NRP2: variants seen among roughly 807,000 people sequenced by gnomAD.
The protein encoded by NRP2 is neuropilin 2.
A neutral mutation model predicts 110.4 loss-of-function variants in NRP2; 52 were observed. The observed-to-expected ratio is 0.47, with a 90% CI of 0.38 to 0.59. The LOEUF (loss-of-function observed/expected upper bound fraction) is 0.59. NRP2 is among the 20% of genes least tolerant of loss of function. The probability of loss-of-function intolerance (pLI) is 0.00; values close to 1 mark genes in which losing one functional copy is unlikely to be tolerated. For synonymous variants in NRP2, 508 were observed against 468.9 expected (o/e 1.08, Z -1.08); for missense variants, 1,049 against 1,203.0 (o/e 0.87, Z 1.89).
At chr2:205,704,879 C>G (rs752059243) in intron 2 of NRP2, among the ~76,000 whole-genome samples, 1 of 152,144 alleles carries the variant, frequency 6.6e-6, no homozygotes, top group Non-Finnish European at 1.5e-5. Flanking sequence ...GCATCTCACC[C>G]CATGTAACTC....
intron 2 of NRP2, among the ~76,000 whole-genome samples, chr2:205,712,214 G>A: frequency 6.6e-6 from 1 of 152,078 alleles, no homozygotes; most frequent in East Asian, 1.9e-4. Flanking sequence ...ATAAAGAACT[G>A]GGAGTAGAGA....
Position 205,686,554 on chromosome 2 carries a change from C to T in NRP2, c.73+3191C>T, listed in dbSNP as rs2056169180. 6.6e-6 allele frequency among the ~76,000 whole-genome samples: 1 copy of T among 152,190 alleles called. No homozygotes were observed. Among genetic ancestry groups the T allele is most frequent in the South Asian group, 2.1e-4 (1 of 4,822 alleles). ...CTGGCTGTGCCGGGGGTCTTTCCCA[C>T]CGGGTCGCAGGCGTCCAGCGGCTGG... On this transcript the variant is annotated intron_variant, in intron 1 of 16. Transcript: ENST00000357785. The surrounding 1 kb of genome is among the most constrained non-coding windows in gnomAD (Gnocchi z 4.7).
chr2:205,686,529 C>G lies in NRP2; in HGVS notation c.73+3166C>G, dbSNP rs940892539. On this transcript the variant is annotated intron_variant, in intron 1 of 16. Coordinates refer to ENST00000357785, the MANE Select transcript of NRP2 (RefSeq NM_003872.3). The surrounding 1 kb of genome is among the most constrained non-coding windows in gnomAD (Gnocchi z 4.7). ...GGCTGCCCCCGCCCTTCGACTCGGGCTGGCTGTGCCGGGGGTCTTTCCCAC... is the reference window on the plus strand; with the variant it reads ...GGCTGCCCCCGCCCTTCGACTCGGGGTGGCTGTGCCGGGGGTCTTTCCCAC... Among the ~76,000 whole-genome samples the G allele has an allele frequency of 6.6e-6, 1 of 152,220 alleles. No individual in the cohort carries two copies. Among genetic ancestry groups the G allele is most frequent in the Admixed American group, 6.5e-5 (1 of 15,284 alleles).
chr2:205,763,683 A>C lies in NRP2; in HGVS notation c.2054A>C (p.Asn685Thr). The C allele has an allele frequency of 6.2e-7, 1 of 1,614,190 alleles. No homozygotes were observed. Among genetic ancestry groups the C allele is most frequent in the Non-Finnish European group, 8.5e-7 (1 of 1,180,032 alleles). ...PNDRTFPDDR[N>T]FLRLQSDSQR... ...GGTTTGTTTCTGCCAGATGACAGGA[A>C]TTTCTTGCGGCTGCAGAGTGACAGC... The change falls in exon 13 of 17, where the codon AAT (asparagine) becomes ACT (threonine). Residue 685 changes from asparagine to threonine, a missense_variant. By Grantham distance (65) the Asn-to-Thr change is moderately conservative. Transcript: ENST00000357785. The surrounding 1 kb of genome is among the most constrained non-coding windows in gnomAD (Gnocchi z 4.0).
chr2:205,742,875 T>C lies in NRP2; in HGVS notation c.1292-328T>C, dbSNP rs150214373. 3.2e-4 allele frequency among the ~76,000 whole-genome samples: 48 copies of C among 152,284 alleles called. 2 individuals carry two copies. The highest frequency in any genetic ancestry group is 1.1e-3 in the African/African-American group (47 of 41,546). On this transcript the variant is annotated intron_variant, in intron 8 of 16. Transcript: ENST00000357785. Reference sequence around the variant, plus strand: ...CAGGCACCATCCTGTGAGCTCTTAGTAACTAACAGAATCCTTGCAACAGCC... The same window carrying C: ...CAGGCACCATCCTGTGAGCTCTTAGCAACTAACAGAATCCTTGCAACAGCC...
chr2:205,715,669 T>C (rs1259380405), intron 2 of NRP2, among the ~76,000 whole-genome samples: 3 of 152,144 alleles, frequency 2.0e-5, no homozygotes, highest in Non-Finnish European at 2.9e-5. Flanking sequence ...AATAAACAAA[T>C]GTCTCTGAAA....
At chr2:205,735,575 C>T (rs1396485472) in intron 7 of NRP2, among the ~76,000 whole-genome samples, 2 of 102,176 alleles carry the variant, frequency 2.0e-5, no homozygotes, top group Admixed American at 1.8e-4. Context: ...GCCTTGTGGA[C>T]TCACAGGAAT....
rs539775248 is a variant in NRP2 at position 205,685,025 on chromosome 2, G to A, written c.73+1662G>A. Among the ~76,000 whole-genome samples, 7 of 152,352 alleles carry A rather than the reference G, an allele frequency of 4.6e-5. 2 individuals carry two copies. Among genetic ancestry groups the A allele is most frequent in the African/African-American group, 1.4e-4 (6 of 41,594 alleles). On this transcript the variant is annotated intron_variant, in intron 1 of 16. Coordinates refer to ENST00000357785, the MANE Select transcript of NRP2 (RefSeq NM_003872.3). ...GTTCCGTGTGCTGTGCGGAGCGGGAGGGGTCGTGAAGACTCAGGGGCCATC... is the reference window on the plus strand; with the variant it reads ...GTTCCGTGTGCTGTGCGGAGCGGGAAGGGTCGTGAAGACTCAGGGGCCATC...
chr2:205,688,722 A>C (rs2056233683), intron 1 of NRP2, among the ~76,000 whole-genome samples: 1 of 152,200 alleles, frequency 6.6e-6, no homozygotes, highest in Non-Finnish European at 1.5e-5. Context: ...CTGTGCTATA[A>C]AAATAAATCC....
chr2:205,729,229 A>G (rs551204079), intron 7 of NRP2, among the ~76,000 whole-genome samples: 1 of 152,352 alleles, frequency 6.6e-6, no homozygotes, highest in South Asian at 2.1e-4. Context: ...CAAAATCACC[A>G]TAGTAACGGG....
intron 15 of NRP2, chr2:205,768,316 T>C (rs545400281): frequency 5.3e-5 from 8 of 152,178 alleles, no homozygotes; most frequent in African/African-American, 1.9e-4. Context: ...CGAATTCGAG[T>C]TCTAACCTTC....
At chr2:205,693,956 A>G (rs559912448) in intron 1 of NRP2, among the ~76,000 whole-genome samples, 1 of 152,372 alleles carries the variant, frequency 6.6e-6, no homozygotes, top group East Asian at 1.9e-4. Flanking sequence ...CTTTAAAACA[A>G]TGCCAACTAC....
At chr2:205,745,375 C>A (rs564307309) in intron 9 of NRP2, among the ~76,000 whole-genome samples, 1 of 152,134 alleles carries the variant, frequency 6.6e-6, no homozygotes, top group Non-Finnish European at 1.5e-5. Context: ...GAATTCAGAA[C>A]GGTCAAAGAT....
intron 2 of NRP2, among the ~76,000 whole-genome samples, chr2:205,707,393 A>G (rs963545662): frequency 6.6e-6 from 1 of 152,026 alleles, no homozygotes; most frequent in East Asian, 1.9e-4. Flanking sequence ...TCATTTCCAC[A>G]CCATGGTGTT....
chr2:205,692,644 T>C (rs1340709049), intron 1 of NRP2, among the ~76,000 whole-genome samples: 1 of 152,152 alleles, frequency 6.6e-6, no homozygotes, highest in Non-Finnish European at 1.5e-5. Context: ...GTAGACCTGA[T>C]GTGATTAAAG....
intron 16 of NRP2, among the ~76,000 whole-genome samples, chr2:205,793,959 T>C (rs1445853161): frequency 6.6e-6 from 1 of 152,050 alleles, no homozygotes; most frequent in Non-Finnish European, 1.5e-5. Flanking sequence ...CATGTGCAAA[T>C]AGTCCCAGAC....
At chr2:205,773,336 C>T (rs2058051531) in intron 15 of NRP2, among the ~76,000 whole-genome samples, 1 of 152,182 alleles carries the variant, frequency 6.6e-6, no homozygotes, top group Non-Finnish European at 1.5e-5. Flanking sequence ...TCTTTTCTAA[C>T]ATTAACGTTA....
At chr2:205,684,302 C>A (rs976362357) in intron 1 of NRP2, among the ~76,000 whole-genome samples, 1 of 152,252 alleles carries the variant, frequency 6.6e-6, no homozygotes, top group African/African-American at 2.4e-5. Flanking sequence ...AGCCTCCCTA[C>A]CCCTCTGAGA....
At chr2:205,697,844 C>T (rs892197118) in intron 2 of NRP2, 123 bp downstream of exon 2, 4 of 1,003,408 alleles carry the variant, frequency 4.0e-6, no homozygotes, top group African/African-American at 1.6e-5. Flanking sequence ...AGTGGTGGAT[C>T]CTGGCCCCAG....
Sources: gnomAD v4.1 joint callset for allele counts (sites outside exome capture counted in the v4.1 genomes callset) on GRCh38, gnomAD v4.1.1 for gene constraint, Gnocchi (gnomAD v3.1) non-coding constraint, MANE v1.5 for transcripts, NCBI Gene and HGNC (gene_info 2026-07-23, HGNC 2026-07-21) for gene names.